Variants in CASP9 observed in about 807,000 individuals in gnomAD.
The protein encoded by CASP9 is caspase 9.
A neutral mutation model predicts 43.5 loss-of-function variants in CASP9; 29 were observed. The ratio of observed to expected loss-of-function variants is 0.67; its 90% CI spans 0.50 to 0.91. CASP9 has a LOEUF of 0.91. Among genes scored for constraint, CASP9 ranks in the 40% least tolerant of loss-of-function variants. CASP9 has a pLI of 0.00. For synonymous variants in CASP9, 206 were observed against 211.9 expected, an observed-to-expected ratio of 0.97 and a Z score of 0.24; for missense variants, 575 against 537.4, an observed-to-expected ratio of 1.07 and a Z score of -0.69.
intron 1 of CASP9, among the ~76,000 whole-genome samples, chr1:15,518,967 A>G (rs1274443139): frequency 1.3e-5 from 2 of 150,780 alleles, no homozygotes; most frequent in African/African-American, 4.9e-5. Flanking sequence ...CTCCAACTCC[A>G]AGGTTCAAGC....
intron 6 of CASP9, among the ~76,000 whole-genome samples, chr1:15,499,632 A>G (rs959811956): frequency 1.3e-5 from 2 of 152,252 alleles, no homozygotes; most frequent in Non-Finnish European, 2.9e-5. Flanking sequence ...CAAAAATTAG[A>G]TATCACCTAA....
chr1:15,524,291 G>A (rs1710352470), upstream of CASP9: 4 of 1,369,002 alleles, frequency 2.9e-6, no homozygotes, highest in Non-Finnish European at 2.8e-6. Context: ...CCCCGCCCCA[G>A]GGCCTGCCCC....
chr1:15,518,869 T>G (rs1036863068), intron 1 of CASP9, among the ~76,000 whole-genome samples: 7 of 93,064 alleles, frequency 7.5e-5, no homozygotes, highest in African/African-American at 2.1e-4. Context: ...TTTGGTTTTG[T>G]TTTTGTTTTT....
At chr1:15,513,930 A>C (rs1488324692) in intron 2 of CASP9, among the ~76,000 whole-genome samples, 2 of 152,184 alleles carry the variant, frequency 1.3e-5, no homozygotes, top group Non-Finnish European at 1.5e-5. Context: ...TACCAACCTC[A>C]TAGGATTGTG....
At chr1:15,511,155 G>A (rs780274720) in intron 2 of CASP9, among the ~76,000 whole-genome samples, 4 of 152,218 alleles carry the variant, frequency 2.6e-5, no homozygotes, top group Non-Finnish European at 5.9e-5. Context: ...AAGTGAAGAG[G>A]TCAGGGTAAG....
intron 2 of CASP9, among the ~76,000 whole-genome samples, chr1:15,511,198 A>T (rs747213661): frequency 3.3e-5 from 5 of 152,212 alleles, no homozygotes; most frequent in African/African-American, 4.8e-5. Context: ...AATTTGGCTC[A>T]GGGCCAAGGC....
At chr1:15,518,876 T>TG (rs1459270899) in intron 1 of CASP9, among the ~76,000 whole-genome samples, 2 of 26,570 alleles carry the variant, frequency 7.5e-5, no homozygotes, top group African/African-American at 5.7e-4. Context: ...TTGTTTTTGT[T>TG]TTTTTTTTTT....
intron 6 of CASP9, among the ~76,000 whole-genome samples, chr1:15,498,888 A>C (rs1309870632): frequency 6.6e-6 from 1 of 151,966 alleles, no homozygotes; most frequent in Non-Finnish European, 1.5e-5. Flanking sequence ...CTGGGACTAC[A>C]GGCGTGTGCC....
chr1:15,520,911 A>G (rs1013211171), intron 1 of CASP9, among the ~76,000 whole-genome samples: 3 of 152,182 alleles, frequency 2.0e-5, no homozygotes, highest in East Asian at 1.9e-4. Context: ...TAATCCCAGC[A>G]CTTTGGGAGG....
upstream of CASP9, chr1:15,524,427 GC>G: frequency 1.1e-5 from 12 of 1,140,440 alleles, no homozygotes; most frequent in South Asian, 2.4e-4. Context: ...TCTGCGCCTC[GC>G]CCCGCCCCCA....
In CASP9 at chr1:15,506,928, C is replaced by T. The variant is rs1709545790; in HGVS notation, c.601G>A (p.Val201Met). The T allele has an allele frequency of 1.2e-6, 2 of 1,614,108 alleles. No homozygotes were observed. The highest frequency in any genetic ancestry group is 8.5e-7 in the Non-Finnish European group (1 of 1,179,980). Residue 201 changes from valine to methionine, a missense_variant, in exon 4 of 9, where the codon GTG becomes ATG. Physicochemically the swap from Val to Met is conservative, Grantham distance 21. Coordinates refer to ENST00000333868, the MANE Select transcript of CASP9 (RefSeq NM_001229.5). ...RRRFSSLHFM[V>M]EVKGDLTAKK... ...GCAGTCAGGTCGCCCTTCACCTCCA[C>T]CATGAAATGCAGCGAGGAGAAGCGA...
intron 6 of CASP9, among the ~76,000 whole-genome samples, chr1:15,497,644 G>GAAA (rs71306992): frequency 8.8e-6 from 1 of 113,088 alleles, no homozygotes. Context: ...TCTGTCTCAA[G>GAAA]AAAAAAAAAA....
upstream of CASP9, chr1:15,524,579 T>C: frequency 1.5e-6 from 1 of 645,870 alleles, no homozygotes; most frequent in Non-Finnish European, 1.9e-6. Context: ...ATCCCCGCAC[T>C]GACCTCACGT....
At chr1:15,523,030 T>C (rs1339559425) in intron 1 of CASP9, among the ~76,000 whole-genome samples, 1 of 152,220 alleles carries the variant, frequency 6.6e-6, no homozygotes, top group Non-Finnish European at 1.5e-5. Flanking sequence ...AGCCAGCCAC[T>C]CACACCTACT....
At position 15,495,368 on chromosome 1, in the gene CASP9, G is replaced by T. The variant is rs924901145; in HGVS notation, c.953C>A (p.Pro318Gln). Residue 318 changes from proline (P) to glutamine (Q), a missense_variant, in exon 7 of 9, where the codon CCG becomes CAG. Pro to Gln is a moderately conservative substitution (Grantham distance 76). Transcript: ENST00000333868. ...PGSNPEPDAT[P>Q]FQEGLRTFDQ... Reference sequence around the variant, plus strand: ...GAAGGTCCTCAAACCTTCCTGGAACGGGGTGGCATCTGGCTCGGGGTTACT... The same window carrying T: ...GAAGGTCCTCAAACCTTCCTGGAACTGGGTGGCATCTGGCTCGGGGTTACT... 1 of 1,609,636 alleles carries T rather than the reference G, an allele frequency of 6.2e-7. No individual in the cohort carries two copies.
intron 8 of CASP9, chr1:15,493,563 C>T: frequency 7.0e-7 from 1 of 1,418,466 alleles, no homozygotes; most frequent in Non-Finnish European, 9.2e-7. Context: ...TAGGGAGGGG[C>T]CCATGACCCG....
chr1:15,497,959 G>C (rs541103922), intron 6 of CASP9, among the ~76,000 whole-genome samples: 48 of 152,338 alleles, frequency 3.2e-4, no homozygotes, highest in African/African-American at 1.1e-3. Flanking sequence ...ATAGGTCAAT[G>C]TCATTGAATA....
chr1:15,517,592 G>C (rs774324969), intron 2 of CASP9, among the ~76,000 whole-genome samples: 3 of 152,180 alleles, frequency 2.0e-5, no homozygotes, highest in Non-Finnish European at 4.4e-5. Context: ...CTTTGGCAAA[G>C]TGTTTAATTT....
chr1:15,523,059 T>C (rs1199911379), intron 1 of CASP9, among the ~76,000 whole-genome samples: 1 of 152,228 alleles, frequency 6.6e-6, no homozygotes, highest in Non-Finnish European at 1.5e-5. Flanking sequence ...TGGTAGGAAA[T>C]ATCTCCTGCA....
Sources: gnomAD v4.1 joint callset for allele counts (sites outside exome capture counted in the v4.1 genomes callset) on GRCh38, gnomAD v4.1.1 for gene constraint, MANE v1.5 for transcripts, NCBI Gene and HGNC (gene_info 2026-07-23, HGNC 2026-07-21) for gene names.